Variants in DNAJC2 observed in about 807,000 individuals in gnomAD.
The protein encoded by DNAJC2 is dnaJ homolog subfamily C member 2.
A neutral mutation model predicts 94.0 loss-of-function variants in DNAJC2; 32 were observed. The observed-to-expected ratio is 0.34, with a 90% CI of 0.26 to 0.46. The LOEUF is 0.46. DNAJC2 is among the 20% of genes least tolerant of loss of function. The pLI is 1.00. For synonymous variants in DNAJC2, 210 were observed against 229.7 expected (o/e 0.91, Z 0.77); for missense variants, 550 against 719.5 (o/e 0.76, Z 2.69).
At chr7:103,319,708 T>G in intron 11 of DNAJC2, 30 bp from the exon 12 acceptor site, 1 of 1,613,948 alleles carries the variant, frequency 6.2e-7, no homozygotes, top group Non-Finnish European at 8.5e-7. Flanking sequence ...AAATGAAACT[T>G]TATCCTAAGC....
At chr7:103,343,918 A>T (rs563006054) in intron 1 of DNAJC2, among the ~76,000 whole-genome samples, 7 of 152,218 alleles carry the variant, frequency 4.6e-5, no homozygotes, top group Non-Finnish European at 1.0e-4. Context: ...GTGACTGGCT[A>T]TGGGAATTAC....
At chr7:103,344,415 G>A (rs1333077730) in intron 1 of DNAJC2, 144 bp downstream of exon 1, 6 of 831,310 alleles carry the variant, frequency 7.2e-6, no homozygotes, top group Admixed American at 6.9e-5. Flanking sequence ...AAAACACGGA[G>A]CAAAAAGGCA....
At chr7:103,321,504 C>T (rs540294776) in intron 10 of DNAJC2, among the ~76,000 whole-genome samples, 161 of 151,578 alleles carry the variant, frequency 1.1e-3, no homozygotes, top group Admixed American at 1.6e-3. Context: ...GGTGACAGTG[C>T]GAGACTCCAT....
At chr7:103,328,970 A>G (rs747008535) in intron 3 of DNAJC2, 1 of 1,272,112 alleles carries the variant, frequency 7.9e-7, no homozygotes, top group South Asian at 1.3e-5. Context: ...TGGAAATGGA[A>G]CAAGTTATTT....
In DNAJC2 at chr7:103,344,696, C is replaced by G. The variant is rs533656383; in HGVS notation, c.-74G>C. On this transcript the variant is annotated 5_prime_UTR_variant, in exon 1 of 17. Coordinates refer to ENST00000379263, the MANE Select transcript of DNAJC2 (RefSeq NM_014377.3). ...GGAGGGCGCTTAGGGTCCCCTCCAGCTCTACCTCTCACTCCGAGCCTCGCG... is the reference window on the plus strand; with the variant it reads ...GGAGGGCGCTTAGGGTCCCCTCCAGGTCTACCTCTCACTCCGAGCCTCGCG... 5.4e-6 allele frequency: 8 copies of G among 1,492,022 alleles called. No individual in the cohort carries two copies. In the Admixed American group the frequency reaches 1.2e-4, roughly 22 times the overall value. The allele number at this position is 1,492,022 out of a possible 1,614,324, so 92.4% of individuals were successfully genotyped here. A position where few individuals can be genotyped will look rare whatever the true frequency, so the allele number is the denominator to read the frequency against.
chr7:103,316,752 G>A, intron 13 of DNAJC2, 78 bp downstream of exon 13: 1 of 1,184,170 alleles, frequency 8.4e-7, no homozygotes, highest in Non-Finnish European at 1.2e-6. Flanking sequence ...GTGATAACAA[G>A]TGCTGCTATT....
chr7:103,315,081 T>C (rs1451973979), intron 15 of DNAJC2, among the ~76,000 whole-genome samples: 1 of 152,138 alleles, frequency 6.6e-6, no homozygotes, highest in Non-Finnish European at 1.5e-5. Flanking sequence ...TAAATTGACT[T>C]CATGACCCAG....
At chr7:103,332,289 G>A (rs985353129) in intron 3 of DNAJC2, among the ~76,000 whole-genome samples, 2 of 152,238 alleles carry the variant, frequency 1.3e-5, no homozygotes, top group African/African-American at 4.8e-5. Context: ...ATAGGCGTGA[G>A]CCACTGCACC....
intron 1 of DNAJC2, 37 bp downstream of exon 1, chr7:103,344,522 T>G: frequency 6.2e-7 from 1 of 1,612,034 alleles, no homozygotes; most frequent in Non-Finnish European, 8.5e-7. Flanking sequence ...CAGGGGCAGC[T>G]GAGGTGAGAA....
At chr7:103,330,363 C>T (rs1360980732) in intron 3 of DNAJC2, among the ~76,000 whole-genome samples, 2 of 152,070 alleles carry the variant, frequency 1.3e-5, no homozygotes, top group Admixed American at 6.6e-5. Context: ...TCTCAGCTCA[C>T]TGTAGTCTTA....
chr7:103,313,628 C>T, intron 15 of DNAJC2: 1 of 985,334 alleles, frequency 1.0e-6, no homozygotes, highest in Non-Finnish European at 1.2e-6. Flanking sequence ...GAGAGGCAAG[C>T]TGAGATTAGA....
intron 15 of DNAJC2, chr7:103,313,664 C>A (rs367829063): frequency 1.1e-5 from 11 of 985,412 alleles, no homozygotes; most frequent in Non-Finnish European, 1.3e-5. Context: ...GTGTTCTCTT[C>A]GTCACATCTG....
At chr7:103,331,947 G>C (rs1473036281) in intron 3 of DNAJC2, among the ~76,000 whole-genome samples, 1 of 151,758 alleles carries the variant, frequency 6.6e-6, no homozygotes, top group Non-Finnish European at 1.5e-5. Context: ...TTGCACAGTG[G>C]CTATGCTAAT....
chr7:103,313,251 C>G (rs1360107806), intron 15 of DNAJC2, 150 bp from the exon 16 acceptor site: 6 of 1,163,662 alleles, frequency 5.2e-6, no homozygotes, highest in Non-Finnish European at 6.7e-6. Context: ...ACATATAGCC[C>G]TCTGAGTGTT....
At chr7:103,321,444 G>C (rs558182940) in intron 10 of DNAJC2, among the ~76,000 whole-genome samples, 5 of 151,680 alleles carry the variant, frequency 3.3e-5, no homozygotes, top group Non-Finnish European at 5.9e-5. Flanking sequence ...CTTGAACCCA[G>C]GAGGCGGGGG....
intron 3 of DNAJC2, among the ~76,000 whole-genome samples, chr7:103,332,197 G>A (rs894828960): frequency 4.6e-5 from 7 of 152,078 alleles, no homozygotes; most frequent in African/African-American, 1.7e-4. Context: ...AGTAGAGACG[G>A]GGTTTCACCG....
chr7:103,315,282 C>T (rs1817986006), intron 15 of DNAJC2, among the ~76,000 whole-genome samples: 1 of 151,912 alleles, frequency 6.6e-6, no homozygotes, highest in Non-Finnish European at 1.5e-5. Flanking sequence ...TATACTCTGC[C>T]TACATTCCCC....
In DNAJC2 at chr7:103,326,650, T is replaced by C; in HGVS notation, c.465A>G (p.Arg155=). The C allele has an allele frequency of 6.2e-7, 1 of 1,612,696 alleles. No individual in the cohort carries two copies. Among genetic ancestry groups the C allele is most frequent in the African/African-American group, 1.3e-5 (1 of 75,014 alleles). The part of the protein sequence containing the change: ...YEMLSDPVKR[R]AFNSVDPTFD... Reference sequence around the variant, plus strand: ...AAGTAGGATCTACACTGTTAAATGCTCGTCTTTTCACTGGATCAGATAACA... The same window carrying C: ...AAGTAGGATCTACACTGTTAAATGCCCGTCTTTTCACTGGATCAGATAACA... Residue 155 remains arginine, a synonymous_variant, in exon 5 of 17, where the codon CGA becomes CGG. Transcript: ENST00000379263.
chr7:103,315,029 A>C (rs1044088585), intron 15 of DNAJC2, among the ~76,000 whole-genome samples: 2 of 152,154 alleles, frequency 1.3e-5, no homozygotes, highest in African/African-American at 4.8e-5. Context: ...AAGTATACCC[A>C]CCCATATAAT....
Sources: gnomAD v4.1 joint callset for allele counts (sites outside exome capture counted in the v4.1 genomes callset) on GRCh38, gnomAD v4.1.1 for gene constraint, MANE v1.5 for transcripts, NCBI Gene and HGNC (gene_info 2026-07-23, HGNC 2026-07-21) for gene names.